ADSS2: variants seen among roughly 807,000 people sequenced by gnomAD.
ADSS2 encodes adenylosuccinate synthase 2.
Under a neutral mutation model 60.0 loss-of-function variants are expected in ADSS2, and 30 were observed. That is an observed-to-expected ratio of 0.50 (90% CI 0.37 to 0.68). The LOEUF (loss-of-function observed/expected upper bound fraction) is 0.68. Among genes scored for constraint, ADSS2 ranks in the 30% least tolerant of loss-of-function variants. ADSS2 has a pLI of 0.00. For missense variants in ADSS2, 373 were observed against 554.8 expected (o/e 0.67, Z 3.29); for synonymous variants, 187 against 193.1 (o/e 0.97, Z 0.26).
intron 4 of ADSS2, among the ~76,000 whole-genome samples, chr1:244,430,844 G>A (rs756533507): frequency 3.9e-5 from 6 of 152,120 alleles, no homozygotes; most frequent in Admixed American, 6.5e-5. Context: ...TAGTTGGGCC[G>A]GATGCAGTGG....
intron 1 of ADSS2, among the ~76,000 whole-genome samples, chr1:244,443,515 C>CA (rs2148013505): frequency 6.6e-6 from 1 of 152,286 alleles, no homozygotes; most frequent in Admixed American, 6.5e-5. Context: ...TAATAAATCT[C>CA]AGAGATAATT....
chr1:244,423,725 G>A (rs1053060154), intron 6 of ADSS2, among the ~76,000 whole-genome samples: 1 of 152,076 alleles, frequency 6.6e-6, no homozygotes, highest in Non-Finnish European at 1.5e-5. Context: ...CTCTGGCTTT[G>A]TCTTCTTAGG....
At chr1:244,441,481 A>G (rs1483295297) in intron 1 of ADSS2, among the ~76,000 whole-genome samples, 1 of 152,182 alleles carries the variant, frequency 6.6e-6, no homozygotes, top group East Asian at 1.9e-4. Flanking sequence ...TAATTTTGAG[A>G]CAACAAATAA....
intron 10 of ADSS2, among the ~76,000 whole-genome samples, chr1:244,417,317 A>G (rs889324898): frequency 2.6e-5 from 4 of 152,118 alleles, no homozygotes; most frequent in African/African-American, 9.7e-5. Flanking sequence ...CCGGCTGTAC[A>G]TGCTCATGGT....
At chr1:244,441,175 C>T (rs981659475) in intron 1 of ADSS2, among the ~76,000 whole-genome samples, 1 of 151,970 alleles carries the variant, frequency 6.6e-6, no homozygotes, top group African/African-American at 2.4e-5. Context: ...TCTCCTGCCT[C>T]AGTCCCCCAA....
intron 4 of ADSS2, among the ~76,000 whole-genome samples, chr1:244,431,860 C>A (rs1277585126): frequency 6.6e-6 from 1 of 152,156 alleles, no homozygotes; most frequent in African/African-American, 2.4e-5. Flanking sequence ...CTGAGAAATA[C>A]TGTAAGTATC....
chr1:244,414,613 A>T (rs1664488816), intron 11 of ADSS2, among the ~76,000 whole-genome samples: 1 of 152,196 alleles, frequency 6.6e-6, no homozygotes, highest in Non-Finnish European at 1.5e-5. Flanking sequence ...TTACTCCACT[A>T]ACCTTCCTCT....
In ADSS2 at chr1:244,441,211, G is replaced by A. The variant is rs368858265; in HGVS notation, c.184-3443C>T. 1.7e-3 allele frequency among the ~76,000 whole-genome samples: 262 copies of A among 152,002 alleles called. 2 individuals are homozygous for A. Among genetic ancestry groups the A allele is most frequent in the African/African-American group, 5.7e-3 (236 of 41,462 alleles). ...GTAGCTGGGACTACAGGCGCCTGCC[G>A]CCATGCCCGGCTAATTTTTTGTATT... On this transcript the variant is annotated intron_variant, in intron 1 of 12. Coordinates refer to ENST00000366535, the MANE Select transcript of ADSS2 (RefSeq NM_001126.5).
Position 244,409,471 on chromosome 1 carries a change from GGCTTCAAACTTACTTCA to G in ADSS2, c.*98_*114del. 1 of 766,460 alleles carries G rather than the reference GGCTTCAAACTTACTTCA, an allele frequency of 1.3e-6. No individual in the cohort carries two copies. Among genetic ancestry groups the G allele is most frequent in the Non-Finnish European group, 2.2e-6 (1 of 460,040 alleles). The allele number at this position is 766,460 out of a possible 1,614,324, so 47.5% of individuals were successfully genotyped here. The stretch of plus-strand genomic sequence containing the variant: ...CTGAAAAGACTGGAAACAACTGTAG[GGCTTCAAACTTACTTCA>G]GTGTCTTTATTCTTGAATTTGCAGG... On this transcript the variant is annotated 3_prime_UTR_variant, in exon 13 of 13. Transcript: ENST00000366535.
chr1:244,438,358 G>A (rs1198972884), intron 1 of ADSS2, among the ~76,000 whole-genome samples: 1 of 152,152 alleles, frequency 6.6e-6, no homozygotes, highest in East Asian at 1.9e-4. Flanking sequence ...CCTAGAACCT[G>A]CTCATCTCTG....
At chr1:244,438,815 A>G (rs1397490978) in intron 1 of ADSS2, among the ~76,000 whole-genome samples, 1 of 152,116 alleles carries the variant, frequency 6.6e-6, no homozygotes, top group African/African-American at 2.4e-5. Context: ...TGCATGAGAT[A>G]TTTTGATACA....
chr1:244,431,392 C>G (rs189270386), intron 4 of ADSS2, among the ~76,000 whole-genome samples: 126 of 152,082 alleles, frequency 8.3e-4, no homozygotes, highest in Non-Finnish European at 1.5e-3. Context: ...GCATCTATGC[C>G]ATTAATAATT....
At chr1:244,425,107 C>G (rs1479962296) in intron 4 of ADSS2, among the ~76,000 whole-genome samples, 1 of 152,136 alleles carries the variant, frequency 6.6e-6, no homozygotes, top group East Asian at 1.9e-4. Context: ...CTCTCCCCTG[C>G]CAATGCTCTG....
At chr1:244,423,864 A>G in intron 6 of ADSS2, 89 bp downstream of exon 6, 1 of 980,596 alleles carries the variant, frequency 1.0e-6, no homozygotes, top group Non-Finnish European at 1.5e-6. Flanking sequence ...ATTTAACTAG[A>G]ATACCGACTG....
chr1:244,429,796 C>T (rs1379104106), intron 4 of ADSS2, among the ~76,000 whole-genome samples: 4 of 152,008 alleles, frequency 2.6e-5, no homozygotes, highest in African/African-American at 9.7e-5. Context: ...GCACGAGAAT[C>T]GCTTGAACCC....
At position 244,411,275 on chromosome 1, in the gene ADSS2, G is replaced by A. The variant is rs1664408545; in HGVS notation, c.1318+12C>T. On this transcript the variant is annotated intron_variant, in intron 12 of 12. Transcript: ENST00000366535. ...AAAAGAAAAAACTTATTCACAAAGT[G>A]TTTATGTTTACCTGGAATTTGAAGC... 1.1e-5 allele frequency: 18 copies of A among 1,596,700 alleles called. No individual in the cohort carries two copies. The highest frequency in any genetic ancestry group is 1.2e-5 in the Non-Finnish European group (14 of 1,174,460).
chr1:244,447,139 C>T (rs1269599290), intron 1 of ADSS2, among the ~76,000 whole-genome samples: 2 of 152,150 alleles, frequency 1.3e-5, no homozygotes, highest in African/African-American at 4.8e-5. Flanking sequence ...GTTTCTGTTG[C>T]TAAAAGTATT....
chr1:244,444,693 T>C (rs1396508222), intron 1 of ADSS2, among the ~76,000 whole-genome samples: 1 of 151,990 alleles, frequency 6.6e-6, no homozygotes, highest in East Asian at 1.9e-4. Context: ...GTTTCTGATG[T>C]ATGCTTTTAG....
Position 244,421,040 on chromosome 1 carries a change from AGTTACACTGCCAGGGCCACG to A in ADSS2, c.664-764_664-745del, listed in dbSNP as rs1306114014. 9.6e-4 allele frequency among the ~76,000 whole-genome samples: 5 copies of A among 5,234 alleles called. No individual in the cohort carries two copies. The East Asian group carries it at 0.01, about 11-fold the overall frequency. The allele number at this position is 5,234 out of a possible 152,430, so 3.4% of individuals were successfully genotyped here. ...TTCTCAAAATGTGGTGAGGGCCACG[AGTTACACTGCCAGGGCCACG>A]AGTTACACTGCCAAGTATGCAACTA... is the stretch of plus-strand genomic sequence containing the variant. On this transcript the variant is annotated intron_variant, in intron 7 of 12. Transcript: ENST00000366535.
Sources: allele counts gnomAD v4.1 joint callset (sites outside exome capture counted in the v4.1 genomes callset), GRCh38; gene constraint gnomAD v4.1.1; transcripts MANE v1.5; gene names NCBI Gene and HGNC (gene_info 2026-07-23, HGNC 2026-07-21).